Variants in FXR2 observed in about 807,000 individuals in gnomAD.
FXR2 encodes FMR1 autosomal homolog 2.
In FXR2, 9 loss-of-function variants were observed where a neutral mutation model predicts 87.3. That is an observed-to-expected ratio of 0.10 (90% CI 0.06 to 0.18). The LOEUF is 0.18. Among genes scored for constraint, FXR2 ranks in the 10% least tolerant of loss-of-function variants. FXR2 has a pLI of 1.00. For missense variants in FXR2, 661 were observed against 893.6 expected (o/e 0.74, Z 3.32); for synonymous variants, 331 against 328.3 (o/e 1.01, Z -0.09).
At chr17:7,598,061 C>T (rs1334356839) in intron 7 of FXR2, among the ~76,000 whole-genome samples, 1 of 151,924 alleles carries the variant, frequency 6.6e-6, no homozygotes, top group Non-Finnish European at 1.5e-5. Context: ...TCCTTTAGCA[C>T]TCCAGTTCAA....
At chr17:7,609,363 G>A (rs2071830448) in intron 1 of FXR2, among the ~76,000 whole-genome samples, 1 of 152,168 alleles carries the variant, frequency 6.6e-6, no homozygotes, top group South Asian at 2.1e-4. Flanking sequence ...CACCTTTCTC[G>A]TCTTTAGGGA....
At position 7,592,371 on chromosome 17, in the gene FXR2, A is replaced by AT; in HGVS notation, c.1826-18dup. On this transcript the variant is annotated splice_polypyrimidine_tract_variant and intron_variant, in intron 15 of 16. Coordinates refer to ENST00000250113, the MANE Select transcript of FXR2 (RefSeq NM_004860.4). This position sits in a 1 kb window ranked among gnomAD's most constrained non-coding sequence, Gnocchi z 4.8. ...CCACAGTCACTGGGGAAGGCAGGAG[A>AT]TTAAGACTTTCAGATGGAATTCTGG... 1 of 1,596,642 alleles carries AT rather than the reference A, an allele frequency of 6.3e-7. No homozygotes were observed. Among genetic ancestry groups the AT allele is most frequent in the Non-Finnish European group, 8.6e-7 (1 of 1,164,138 alleles).
At chr17:7,610,010 A>ATATACATGTATATGTATACATG (rs2071847065) in intron 1 of FXR2, among the ~76,000 whole-genome samples, 5 of 141,378 alleles carry the variant, frequency 3.5e-5, no homozygotes, top group Admixed American at 3.0e-4. Flanking sequence ...GTATACATAT[A>ATATACATGTATATGTATACATG]TATATACATG....
At chr17:7,601,652 G>T in intron 6 of FXR2, 127 bp from the exon 7 acceptor site, 1 of 638,360 alleles carries the variant, frequency 1.6e-6, no homozygotes, top group Non-Finnish European at 2.8e-6. Flanking sequence ...TAGGAGACCG[G>T]GCGCGGTGGC....
chr17:7,595,997 G>T lies in FXR2; in HGVS notation c.661-3C>A. ...GCTGCTGCCAACTGCTTGCTTGTCT[G>T]AAAGGAAAAGTCACTGTAGGAATCA... On this transcript the variant is annotated splice_polypyrimidine_tract_variant and splice_region_variant and intron_variant, in intron 7 of 16. Coordinates refer to ENST00000250113, the MANE Select transcript of FXR2 (RefSeq NM_004860.4). The surrounding 1 kb of genome is among the most constrained non-coding windows in gnomAD (Gnocchi z 4.7). 6.2e-7 allele frequency: 1 copy of T among 1,611,226 alleles called. No homozygotes were observed.
At chr17:7,600,492 C>G (rs936080601) in intron 7 of FXR2, among the ~76,000 whole-genome samples, 1 of 152,238 alleles carries the variant, frequency 6.6e-6, no homozygotes, top group Non-Finnish European at 1.5e-5. Context: ...CGCGCCCACC[C>G]TAAAAAATAA....
At chr17:7,596,097 T>C in intron 7 of FXR2, 103 bp from the exon 8 acceptor site, 1 of 883,866 alleles carries the variant, frequency 1.1e-6, no homozygotes, top group Non-Finnish European at 1.8e-6. Context: ...GTGATATTAA[T>C]AGAAAGCTAG....
chr17:7,614,554 T>G lies in FXR2; in HGVS notation c.-22A>C. The G allele has an allele frequency of 7.0e-7, 1 of 1,422,316 alleles. No individual in the cohort carries two copies. Among genetic ancestry groups the G allele is most frequent in the African/African-American group, 1.5e-5 (1 of 66,344 alleles). The allele number at this position is 1,422,316 out of a possible 1,614,324, so 88.1% of individuals were successfully genotyped here. A position where few individuals can be genotyped will look rare whatever the true frequency, so the allele number is the denominator to read the frequency against. ...CCATGGCGCCGCCACCGCCTCCGAC[T>G]CCCCCGGCGGCGGCTGCAGCAGCAG... On this transcript the variant is annotated 5_prime_UTR_variant, in exon 1 of 17. Coordinates refer to ENST00000250113, the MANE Select transcript of FXR2 (RefSeq NM_004860.4).
Position 7,591,559 on chromosome 17 carries a change from T to C in FXR2, c.*271A>G, listed in dbSNP as rs1053971570. ...GAGAATGGGGGTGTTCAGAGAGAGA[T>C]TGGGGCATTAGAGGATAAAGGCACA... On this transcript the variant is annotated 3_prime_UTR_variant, in exon 17 of 17. Coordinates refer to ENST00000250113, the MANE Select transcript of FXR2 (RefSeq NM_004860.4). The surrounding 1 kb of genome is among the most constrained non-coding windows in gnomAD (Gnocchi z 4.0). The C allele has an allele frequency of 4.6e-6, 2 of 434,862 alleles. No individual in the cohort carries two copies. Among genetic ancestry groups the C allele is most frequent in the South Asian group, 2.2e-5 (1 of 46,382 alleles). 26.9% of individuals were successfully genotyped at this position (434,862 alleles called of 1,614,324 possible).
intron 6 of FXR2, among the ~76,000 whole-genome samples, chr17:7,602,305 T>A (rs940054487): frequency 6.7e-6 from 1 of 149,504 alleles, no homozygotes; most frequent in Non-Finnish European, 1.5e-5. Flanking sequence ...GTGGCTCACG[T>A]CTGTAATCCC....
At chr17:7,608,985 T>G (rs947655205) in intron 1 of FXR2, among the ~76,000 whole-genome samples, 4 of 152,226 alleles carry the variant, frequency 2.6e-5, no homozygotes, top group African/African-American at 7.2e-5. Context: ...GGCTTGTGCC[T>G]GTAGTCCCAG....
In FXR2 at chr17:7,609,949, T is replaced by C. The variant is rs554777084; in HGVS notation, c.82-3800A>G. On this transcript the variant is annotated intron_variant, in intron 1 of 16. Transcript: ENST00000250113. ...GTATATGTATATATATACATGTATA[T>C]GTATACATATATATACATGTATATG... is the stretch of plus-strand genomic sequence containing the variant. Among the ~76,000 whole-genome samples the C allele has an allele frequency of 2.3e-3, 284 of 124,534 alleles. 2 individuals are homozygous for C. Among genetic ancestry groups the C allele is most frequent in the African/African-American group, 7.2e-3 (270 of 37,694 alleles). The allele number at this position is 124,534 out of a possible 152,430, so 81.7% of individuals were successfully genotyped here. A position where few individuals can be genotyped will look rare whatever the true frequency, so the allele number is the denominator to read the frequency against.
At chr17:7,604,553 G>GT (rs968042983) in intron 3 of FXR2, among the ~76,000 whole-genome samples, 31 of 151,904 alleles carry the variant, frequency 2.0e-4, no homozygotes, top group Non-Finnish European at 4.1e-4. Context: ...TTAGCCGGGT[G>GT]TGGTGCCACA....
intron 7 of FXR2, 63 bp downstream of exon 7, chr17:7,601,346 G>T: frequency 1.1e-6 from 1 of 897,496 alleles, no homozygotes; most frequent in South Asian, 1.3e-5. Context: ...CATGGATGGA[G>T]GACAGGGTAG....
chr17:7,593,573 T>C lies in FXR2; in HGVS notation c.1160A>G (p.Gln387Arg). Reference sequence around the variant, plus strand: ...AGGAGGGCGAAAGCCCAGCCCAATCTGCCGAAGCTGCTCATCAATTTGTAG... The same window carrying C: ...AGGAGGGCGAAAGCCCAGCCCAATCCGCCGAAGCTGCTCATCAATTTGTAG... ...ERLQIDEQLR[Q>R]IGLGFRPPGS... Residue 387 changes from glutamine to arginine, a missense_variant, in exon 12 of 17, where the codon CAG (glutamine) becomes CGG (arginine). Transcript: ENST00000250113. This position sits in a 1 kb window ranked among gnomAD's most constrained non-coding sequence, Gnocchi z 6.1. 6.3e-7 allele frequency: 1 copy of C among 1,597,950 alleles called. No homozygotes were observed. The highest frequency in any genetic ancestry group is 8.5e-7 in the Non-Finnish European group (1 of 1,173,596).
chr17:7,614,225 C>T (rs1455573151), intron 1 of FXR2: 4 of 685,576 alleles, frequency 5.8e-6, no homozygotes, highest in Non-Finnish European at 1.1e-5. Flanking sequence ...GTTCATTCTC[C>T]CGGAGATGGG....
In FXR2 at chr17:7,592,396, G is replaced by A. The variant is rs764706014; in HGVS notation, c.1826-42C>T. 15 of 1,555,126 alleles carry A rather than the reference G, an allele frequency of 9.6e-6. No homozygotes were observed. Among genetic ancestry groups the A allele is most frequent in the Non-Finnish European group, 1.3e-5 (15 of 1,126,398 alleles). On this transcript the variant is annotated intron_variant, in intron 15 of 16. Transcript: ENST00000250113. The surrounding 1 kb of genome is among the most constrained non-coding windows in gnomAD (Gnocchi z 4.8). ...ATTAAGACTTTCAGATGGAATTCTG[G>A]TAGCCAGCCTAAGACACCCACTGAA...
At position 7,609,985 on chromosome 17, in the gene FXR2, T is replaced by TATACATGCATATGTATAC. The variant is rs1567753949; in HGVS notation, c.82-3837_82-3836insGTATACATATGCATGTAT. Among the ~76,000 whole-genome samples, 141 of 106,182 alleles carry TATACATGCATATGTATAC rather than the reference T, an allele frequency of 1.3e-3. 2 individuals carry two copies. Among genetic ancestry groups the TATACATGCATATGTATAC allele is most frequent in the African/African-American group, 2.7e-3 (75 of 27,930 alleles). 69.7% of individuals were successfully genotyped at this position (106,182 alleles called of 152,430 possible). The stretch of plus-strand genomic sequence containing the variant: ...ATATACATGTATATGTATACATATA[T>TATACATGCATATGTATAC]ATATACATGTATATGTATACATATA... On this transcript the variant is annotated intron_variant, in intron 1 of 16. Transcript: ENST00000250113.
intron 1 of FXR2, among the ~76,000 whole-genome samples, chr17:7,610,774 T>C (rs917700455): frequency 6.6e-6 from 1 of 152,130 alleles, no homozygotes; most frequent in Admixed American, 6.6e-5. Context: ...GTGGAATGTA[T>C]TAGGGAGCCA....
Sources: allele counts gnomAD v4.1 joint callset (sites outside exome capture counted in the v4.1 genomes callset), GRCh38; gene constraint gnomAD v4.1.1; non-coding constraint Gnocchi (gnomAD v3.1); transcripts MANE v1.5; gene names NCBI Gene and HGNC (gene_info 2026-07-23, HGNC 2026-07-21).